Variants in CNTLN observed in about 807,000 individuals in gnomAD.
The protein encoded by CNTLN is centlein, centrosomal protein.
CNTLN carries 212 observed loss-of-function variants against 180.0 expected under a neutral mutation model. The ratio of observed to expected loss-of-function variants is 1.18; its 90% CI spans 1.05 to 1.32. The LOEUF is 1.32. Ranked by LOEUF, CNTLN falls within the 40% of genes most tolerant of loss-of-function variation. The pLI, the probability that CNTLN is intolerant of heterozygous loss-of-function variation, is 0.00. For missense variants in CNTLN, 2,095 were observed against 1,610.9 expected (o/e 1.30, Z -5.14); for synonymous variants, 722 against 563.1 (o/e 1.28, Z -3.99).
chr9:17,311,082 TG>T (rs1198170630), intron 8 of CNTLN, among the ~76,000 whole-genome samples: 1 of 152,036 alleles, frequency 6.6e-6, no homozygotes, highest in African/African-American at 2.4e-5. Context: ...TGGAGTGCAA[TG>T]GTGCGATCTC....
Position 17,309,128 on chromosome 9 carries a change from C to G in CNTLN, c.1217C>G (p.Thr406Ser). The change falls in exon 8 of 26, where the codon ACT (threonine) becomes AGT (serine). Residue 406 changes from threonine to serine, a missense_variant. Coordinates refer to ENST00000380647, the MANE Select transcript of CNTLN (RefSeq NM_017738.4). ...GAAGCTATGCTCCGGCAAAGTGTTA[C>G]TAATCTTCAGGATCAGCTATTACAA... ...SNEAMLRQSVTNLQDQLLQKE... is the reference protein window; with the variant it reads ...SNEAMLRQSVSNLQDQLLQKE... 1 of 1,609,832 alleles carries G rather than the reference C, an allele frequency of 6.2e-7. No individual in the cohort carries two copies. The highest frequency in any genetic ancestry group is 8.5e-7 in the Non-Finnish European group (1 of 1,177,842).
chr9:17,370,259 A>G (rs1344364673), intron 13 of CNTLN, among the ~76,000 whole-genome samples: 1 of 152,224 alleles, frequency 6.6e-6, no homozygotes, highest in African/African-American at 2.4e-5. Context: ...GAAGGCATTT[A>G]ACAAACTCCC....
intron 18 of CNTLN, among the ~76,000 whole-genome samples, chr9:17,429,765 G>T (rs1829307617): frequency 6.6e-6 from 1 of 151,558 alleles, no homozygotes; most frequent in Non-Finnish European, 1.5e-5. Flanking sequence ...TAATCATCCT[G>T]CACAGATTTT....
intron 15 of CNTLN, among the ~76,000 whole-genome samples, chr9:17,403,147 G>A (rs2133797736): frequency 6.6e-6 from 1 of 151,806 alleles, no homozygotes; most frequent in South Asian, 2.1e-4. Flanking sequence ...TCTGTGGGGA[G>A]GTTCGTGGAT....
chr9:17,294,382 T>C (rs954119353), intron 6 of CNTLN, among the ~76,000 whole-genome samples: 1 of 151,150 alleles, frequency 6.6e-6, no homozygotes, highest in Non-Finnish European at 1.5e-5. Context: ...AGGGTGCTGA[T>C]TGGTGCGTTT....
At chr9:17,333,763 C>T (rs1475563472) in intron 10 of CNTLN, among the ~76,000 whole-genome samples, 1 of 152,090 alleles carries the variant, frequency 6.6e-6, no homozygotes, top group African/African-American at 2.4e-5. Flanking sequence ...TCCAAATGAC[C>T]TCAGCTAGCA....
intron 18 of CNTLN, among the ~76,000 whole-genome samples, chr9:17,445,172 C>A (rs1830330758): frequency 6.6e-6 from 1 of 151,974 alleles, no homozygotes; most frequent in Non-Finnish European, 1.5e-5. Flanking sequence ...ATTATTGCTT[C>A]TCTTGAGAAT....
At chr9:17,452,027 G>A (rs1355631060) in intron 18 of CNTLN, among the ~76,000 whole-genome samples, 3 of 152,294 alleles carry the variant, frequency 2.0e-5, no homozygotes, top group East Asian at 1.9e-4. Flanking sequence ...ATACCCAACA[G>A]CATTTTCTTT....
chr9:17,166,378 T>C (rs879000641), intron 2 of CNTLN, among the ~76,000 whole-genome samples: 1 of 152,086 alleles, frequency 6.6e-6, no homozygotes, highest in Non-Finnish European at 1.5e-5. Flanking sequence ...AGAATCAATA[T>C]AGGTGCTATA....
intron 12 of CNTLN, among the ~76,000 whole-genome samples, chr9:17,344,173 T>C (rs978057062): frequency 4.6e-5 from 7 of 152,238 alleles, no homozygotes; most frequent in Middle Eastern, 3.4e-3. Flanking sequence ...GTTAATGAAA[T>C]AGAACTACAG....
Position 17,135,049 on chromosome 9 carries a change from C to T in CNTLN, c.-17C>T, listed in dbSNP as rs750424178. 3 of 1,587,638 alleles carry T rather than the reference C, an allele frequency of 1.9e-6. No individual in the cohort carries two copies. Among genetic ancestry groups the T allele is most frequent in the East Asian group, 4.5e-5 (2 of 44,454 alleles). Reference sequence around the variant, plus strand: ...GGAGTTTCCAACAGGGAACTTGACCCGTTAGCAGCCGCAGCCATGGCGGCG... The same window carrying T: ...GGAGTTTCCAACAGGGAACTTGACCTGTTAGCAGCCGCAGCCATGGCGGCG... On this transcript the variant is annotated 5_prime_UTR_variant, in exon 1 of 26. Coordinates refer to ENST00000380647, the MANE Select transcript of CNTLN (RefSeq NM_017738.4).
the CNTLN span, among the ~76,000 whole-genome samples, chr9:17,515,902 A>C: frequency 2.6e-5 from 4 of 152,108 alleles, no homozygotes; most frequent in African/African-American, 9.7e-5. Context: ...ATCTTACTCA[A>C]AGTAACAGAA....
chr9:17,514,732 A>G, the CNTLN span, among the ~76,000 whole-genome samples: 102 of 152,096 alleles, frequency 6.7e-4, no homozygotes, highest in African/African-American at 2.4e-3. Flanking sequence ...CAAGCCATAG[A>G]CTCCTGAGCA....
At chr9:17,444,445 A>G (rs1407358455) in intron 18 of CNTLN, among the ~76,000 whole-genome samples, 4 of 152,204 alleles carry the variant, frequency 2.6e-5, no homozygotes, top group African/African-American at 4.8e-5. Context: ...AGTAGTTTCT[A>G]TTGGGCAGGA....
At chr9:17,509,558 A>G in the CNTLN span, among the ~76,000 whole-genome samples, 6 of 152,298 alleles carry the variant, frequency 3.9e-5, no homozygotes, top group Admixed American at 3.9e-4. Context: ...CTGGTTTGAT[A>G]GAATAGTGGA....
At chr9:17,518,036 C>CTTTTTTTT in the CNTLN span, among the ~76,000 whole-genome samples, 196 of 69,236 alleles carry the variant, frequency 2.8e-3, no homozygotes, top group Admixed American at 3.4e-3. Context: ...TTTTCTTTTC[C>CTTTTTTTT]TTTTTTTTTT....
chr9:17,428,599 T>G (rs905915756), intron 18 of CNTLN, among the ~76,000 whole-genome samples: 14 of 152,156 alleles, frequency 9.2e-5, no homozygotes, highest in African/African-American at 3.1e-4. Flanking sequence ...CTTAGTATTT[T>G]TCTTATTTGA....
At chr9:17,328,742 T>TA (rs1820460316) in intron 8 of CNTLN, among the ~76,000 whole-genome samples, 1 of 152,148 alleles carries the variant, frequency 6.6e-6, no homozygotes, top group Non-Finnish European at 1.5e-5. Context: ...GCTATTACTT[T>TA]AAAACACATA....
At chr9:17,401,360 C>T (rs1309204783) in intron 15 of CNTLN, among the ~76,000 whole-genome samples, 1 of 151,842 alleles carries the variant, frequency 6.6e-6, no homozygotes. Context: ...TACATTAAAG[C>T]AAAATCCATA....
Sources: gnomAD v4.1 joint callset for allele counts (sites outside exome capture counted in the v4.1 genomes callset) on GRCh38, gnomAD v4.1.1 for gene constraint, MANE v1.5 for transcripts, NCBI Gene and HGNC (gene_info 2026-07-23, HGNC 2026-07-21) for gene names.